The following SCAF8 variants were observed in gnomAD, a reference collection of about 807,000 sequenced individuals.
SCAF8 encodes SR-related and CTD-associated factor 8.
SCAF8 carries 23 observed loss-of-function variants against 140.5 expected under a neutral mutation model. That is an observed-to-expected ratio of 0.16 (90% CI 0.12 to 0.23). SCAF8 has a LOEUF of 0.23. SCAF8 is among the 10% of genes least tolerant of loss of function. The pLI is 1.00. For synonymous variants in SCAF8, 575 were observed against 528.9 expected (o/e 1.09, Z -1.20); for missense variants, 1,397 against 1,555.7 (o/e 0.90, Z 1.72).
intron 1 of SCAF8, among the ~76,000 whole-genome samples, chr6:154,749,726 G>A (rs553470808): frequency 1.3e-5 from 2 of 152,230 alleles, no homozygotes; most frequent in Non-Finnish European, 2.9e-5. Context: ...TTCTGATGAA[G>A]GGCCTTTATA....
At chr6:154,815,251 T>C (rs1163214921) in intron 12 of SCAF8, among the ~76,000 whole-genome samples, 1 of 152,114 alleles carries the variant, frequency 6.6e-6, no homozygotes, top group South Asian at 2.1e-4. Flanking sequence ...GAGCCGAGAT[T>C]GTGCCACTGC....
At chr6:154,759,275 A>G (rs972169612) in intron 1 of SCAF8, among the ~76,000 whole-genome samples, 6 of 152,194 alleles carry the variant, frequency 3.9e-5, no homozygotes, top group African/African-American at 7.2e-5. Context: ...AATTCCCTCT[A>G]TTCCAAGGGT....
chr6:154,824,946 A>AAAAGAAAAAAAGGTG (rs1338193688), intron 17 of SCAF8: 4 of 150,344 alleles, frequency 2.7e-5, no homozygotes, highest in Middle Eastern at 3.2e-3. Context: ...CTTTGTCTCA[A>AAAAGAAAAAAAGGTG]AAAGAAAAAA....
chr6:154,773,920 C>A, intron 1 of SCAF8, 69 bp from the exon 2 acceptor site: 1 of 950,488 alleles, frequency 1.1e-6, no homozygotes, highest in Non-Finnish European at 1.7e-6. Context: ...TAAAAATGAA[C>A]ATGTTTGGTA....
intron 1 of SCAF8, among the ~76,000 whole-genome samples, chr6:154,746,318 T>G (rs372833002): frequency 6.6e-6 from 1 of 152,254 alleles, no homozygotes; most frequent in South Asian, 2.1e-4. Flanking sequence ...TATTCTCTAG[T>G]GTAATAAAAT....
Position 154,774,131 on chromosome 6 carries a change from A to G in SCAF8, c.114+59A>G. The G allele has an allele frequency of 5.6e-6, 6 of 1,074,886 alleles. No individual in the cohort carries two copies. In the South Asian group the frequency reaches 7.9e-5, roughly 14 times the overall value. The allele number at this position is 1,074,886 out of a possible 1,614,324, so 66.6% of individuals were successfully genotyped here. A position where few individuals can be genotyped will look rare whatever the true frequency, so the allele number is the denominator to read the frequency against. ...AGAAAAAACTATATTAATAGTTTGG[A>G]TGGGGGATAATTTTTTTATGGATTA... On this transcript the variant is annotated intron_variant, in intron 2 of 19. Coordinates refer to ENST00000367178, the MANE Select transcript of SCAF8 (RefSeq NM_014892.5).
At chr6:154,799,768 G>A (rs1777715397) in intron 6 of SCAF8, among the ~76,000 whole-genome samples, 1 of 150,466 alleles carries the variant, frequency 6.6e-6, no homozygotes, top group Admixed American at 6.6e-5. Context: ...AAGGCCTTCA[G>A]TGACTGCTAT....
chr6:154,750,838 G>T (rs1188295120), intron 1 of SCAF8, among the ~76,000 whole-genome samples: 3 of 151,882 alleles, frequency 2.0e-5, no homozygotes, highest in Non-Finnish European at 4.4e-5. Context: ...TACAATTCTG[G>T]TATTTTTTTT....
chr6:154,769,830 A>G (rs1053964427), intron 1 of SCAF8, among the ~76,000 whole-genome samples: 1 of 152,180 alleles, frequency 6.6e-6, no homozygotes, highest in African/African-American at 2.4e-5. Context: ...CCAGACACTG[A>G]GGATACAATG....
chr6:154,807,646 T>A (rs1297419640), intron 9 of SCAF8, among the ~76,000 whole-genome samples: 3 of 152,262 alleles, frequency 2.0e-5, no homozygotes, highest in Non-Finnish European at 2.9e-5. Context: ...CCCAAAGTAC[T>A]GGGATTACTG....
chr6:154,754,789 C>G (rs1423221532), intron 1 of SCAF8, among the ~76,000 whole-genome samples: 1 of 152,058 alleles, frequency 6.6e-6, no homozygotes, highest in African/African-American at 2.4e-5. Context: ...AGTATTTATT[C>G]CTTATCTTTT....
At chr6:154,813,810 T>C (rs1413456609) in intron 12 of SCAF8, among the ~76,000 whole-genome samples, 1 of 151,762 alleles carries the variant, frequency 6.6e-6, no homozygotes, top group Non-Finnish European at 1.5e-5. Flanking sequence ...GATGTGATAA[T>C]GAAAGGAGAG....
At chr6:154,804,598 A>G (rs1232041263) in intron 8 of SCAF8, among the ~76,000 whole-genome samples, 2 of 152,218 alleles carry the variant, frequency 1.3e-5, no homozygotes, top group African/African-American at 2.4e-5. Flanking sequence ...TTTCTGAAGC[A>G]AGGAATCAAA....
intron 1 of SCAF8, chr6:154,741,825 C>G: frequency 1.6e-6 from 1 of 607,394 alleles, no homozygotes; most frequent in Admixed American, 2.6e-5. Context: ...TGGACAACTT[C>G]TAACTCATAA....
At chr6:154,799,854 G>A (rs1304485185) in intron 6 of SCAF8, among the ~76,000 whole-genome samples, 3 of 150,920 alleles carry the variant, frequency 2.0e-5, no homozygotes, top group African/African-American at 4.8e-5. Flanking sequence ...GCGCAATCTC[G>A]GCTCATTGCA....
At chr6:154,809,959 C>A in intron 11 of SCAF8, 56 bp from the exon 12 acceptor site, 1 of 1,385,512 alleles carries the variant, frequency 7.2e-7, no homozygotes, top group Non-Finnish European at 1.0e-6. Flanking sequence ...TTAGAAGTGA[C>A]AGATTTGGTA....
chr6:154,766,845 A>G (rs1316192974), intron 1 of SCAF8, among the ~76,000 whole-genome samples: 1 of 152,006 alleles, frequency 6.6e-6, no homozygotes. Flanking sequence ...CTTCAGTGGT[A>G]TAATACTTCC....
At chr6:154,735,552 CTT>C (rs367580100) in intron 1 of SCAF8, among the ~76,000 whole-genome samples, 4 of 141,190 alleles carry the variant, frequency 2.8e-5, no homozygotes, top group African/African-American at 1.1e-4. Flanking sequence ...GAGTTTCGCT[CTT>C]GTTACCCAGG....
chr6:154,733,511 A>T lies in SCAF8; in HGVS notation c.-390A>T. On this transcript the variant is annotated 5_prime_UTR_variant, in exon 1 of 20. Transcript: ENST00000367178. ...GGCCCGAGCGGCGGGGAGGTGAAAC[A>T]GGAGCCCGTCGGAGGAAGGGGCAGA... 1.5e-6 allele frequency: 2 copies of T among 1,309,874 alleles called. No individual in the cohort carries two copies. The highest frequency in any genetic ancestry group is 2.1e-5 in the South Asian group (1 of 47,812). 81.1% of individuals were successfully genotyped at this position (1,309,874 alleles called of 1,614,324 possible). A position where few individuals can be genotyped will look rare whatever the true frequency, so the allele number is the denominator to read the frequency against.
Sources: gnomAD v4.1 joint callset for allele counts (sites outside exome capture counted in the v4.1 genomes callset) on GRCh38, gnomAD v4.1.1 for gene constraint, MANE v1.5 for transcripts, NCBI Gene and HGNC (gene_info 2026-07-23, HGNC 2026-07-21) for gene names.